The following A4GALT variants were observed in gnomAD, a reference collection of about 807,000 sequenced individuals.
A4GALT encodes lactosylceramide 4-alpha-galactosyltransferase.
For synonymous variants in A4GALT, 257 were observed against 220.7 expected (o/e 1.16, Z -1.46); for missense variants, 512 against 486.0 (o/e 1.05, Z -0.50).
At chr22:42,700,531 C>T (rs1931229035) in intron 1 of A4GALT, among the ~76,000 whole-genome samples, 1 of 152,226 alleles carries the variant, frequency 6.6e-6, no homozygotes, top group African/African-American at 2.4e-5. Context: ...TTCCAAGCCT[C>T]TCCAGATAAG....
chr22:42,708,400 A>G (rs1921352234), intron 1 of A4GALT, among the ~76,000 whole-genome samples: 1 of 151,664 alleles, frequency 6.6e-6, no homozygotes, highest in South Asian at 2.1e-4. Flanking sequence ...AAATTTAGCC[A>G]GGTGTGGTGG....
chr22:42,694,263 C>T (rs922618687), intron 2 of A4GALT, among the ~76,000 whole-genome samples: 4 of 152,262 alleles, frequency 2.6e-5, no homozygotes, highest in Non-Finnish European at 4.4e-5. Context: ...CAGGCCAGTG[C>T]CACCCATGGT....
intron 1 of A4GALT, among the ~76,000 whole-genome samples, chr22:42,699,196 G>A (rs1931139203): frequency 6.6e-6 from 1 of 151,942 alleles, no homozygotes; most frequent in Non-Finnish European, 1.5e-5. Context: ...CAATTCTCCT[G>A]CCTCAGCCTC....
At chr22:42,699,997 T>C (rs1346736253) in intron 1 of A4GALT, among the ~76,000 whole-genome samples, 2 of 152,184 alleles carry the variant, frequency 1.3e-5, no homozygotes, top group Non-Finnish European at 1.5e-5. Context: ...TCTCATCGAC[T>C]GGTTCTGTTA....
At chr22:42,714,306 A>G (rs868786808) in intron 1 of A4GALT, among the ~76,000 whole-genome samples, 13 of 145,544 alleles carry the variant, frequency 8.9e-5, no homozygotes, top group African/African-American at 3.2e-4. Flanking sequence ...AAAAAAAAAA[A>G]GGCAGGAATG....
intron 1 of A4GALT, among the ~76,000 whole-genome samples, chr22:42,695,996 G>A (rs777718441): frequency 4.6e-5 from 7 of 151,716 alleles, no homozygotes; most frequent in Non-Finnish European, 1.0e-4. Context: ...GGTGGTGTGC[G>A]CCTGTAATCC....
At chr22:42,719,396 G>C (rs1487283113) in intron 1 of A4GALT, among the ~76,000 whole-genome samples, 1 of 152,182 alleles carries the variant, frequency 6.6e-6, no homozygotes. Flanking sequence ...CTAGCAGTTT[G>C]AGACTACAGT....
chr22:42,693,659 A>G lies in A4GALT; in HGVS notation c.293T>C (p.Val98Ala), dbSNP rs1930675546. The G allele has an allele frequency of 6.8e-7, 1 of 1,478,034 alleles. No homozygotes were observed. The allele number at this position is 1,478,034 out of a possible 1,614,324, so 91.6% of individuals were successfully genotyped here. Residue 98 changes from valine (V) to alanine (A), a missense_variant, in exon 3 of 3, where the codon GTG becomes GCG. Val to Ala is a moderately conservative substitution (Grantham distance 64). Transcript: ENST00000642412. ...TNPNFLFMCS[V>A]ESAARTHPES... is the part of the protein sequence containing the mutation. ...GGGGTGAGTTCTGGCGGCCGACTCC[A>G]CCGAGCACATGAACAGGAAGTTGGG...
rs17003252 is a variant in A4GALT at position 42,700,172 on chromosome 22, G to A, written c.-187-4541C>T. Among the ~76,000 whole-genome samples the A allele has an allele frequency of 0.012, 1,813 of 152,258 alleles. 76 individuals are homozygous for A. The East Asian group carries it at 0.14, about 12-fold the overall frequency. ...GGCCACCGCGCCCAGCGCAGCCCTCGTCCCCTGGAAATGATTGTATGTGTT... is the reference window on the plus strand; with the variant it reads ...GGCCACCGCGCCCAGCGCAGCCCTCATCCCCTGGAAATGATTGTATGTGTT... On this transcript the variant is annotated intron_variant, in intron 1 of 2. Coordinates refer to ENST00000642412, the MANE Select transcript of A4GALT (RefSeq NM_017436.7).
At position 42,692,409 on chromosome 22, in the gene A4GALT, A is replaced by C. The variant is rs1930499784; in HGVS notation, c.*481T>G. ...CCCCACCCCCCGCGAAAGAGGAACCAAAACCAGAAAAGAACAAAGCATCCT... is the reference window on the plus strand; with the variant it reads ...CCCCACCCCCCGCGAAAGAGGAACCCAAACCAGAAAAGAACAAAGCATCCT... On this transcript the variant is annotated 3_prime_UTR_variant, in exon 3 of 3. Transcript: ENST00000642412. This position sits in a 1 kb window ranked among gnomAD's most constrained non-coding sequence, Gnocchi z 4.6. 9.9e-6 allele frequency: 3 copies of C among 303,560 alleles called. No individual in the cohort carries two copies. Among genetic ancestry groups the C allele is most frequent in the Non-Finnish European group, 1.9e-5 (3 of 154,438 alleles). The allele number at this position is 303,560 out of a possible 1,614,324, so 18.8% of individuals were successfully genotyped here.
At position 42,706,794 on chromosome 22, in the gene A4GALT, C is replaced by CA. The variant is rs34531547; in HGVS notation, c.-187-11164dup. On this transcript the variant is annotated intron_variant, in intron 1 of 2. Coordinates refer to ENST00000642412, the MANE Select transcript of A4GALT (RefSeq NM_017436.7). ...TGGGTGATGGAGTGAGACTCCATCT[C>CA]AAAAAAAAAAAAATTAAAAAAAGAA... 5.5e-3 allele frequency among the ~76,000 whole-genome samples: 751 copies of CA among 135,884 alleles called. 3 individuals are homozygous for CA. Among genetic ancestry groups the CA allele is most frequent in the African/African-American group, 0.016 (600 of 36,580 alleles). 89.1% of individuals were successfully genotyped at this position (135,884 alleles called of 152,430 possible).
intron 1 of A4GALT, among the ~76,000 whole-genome samples, chr22:42,709,517 C>T (rs925006518): frequency 6.6e-6 from 1 of 151,914 alleles, no homozygotes; most frequent in African/African-American, 2.4e-5. Flanking sequence ...AGGCCAAGTA[C>T]GGTGGCTCGT....
At chr22:42,702,648 T>TGCCCTCCACACTGCAGCC (rs1555886936) in intron 1 of A4GALT, among the ~76,000 whole-genome samples, 2 of 144,158 alleles carry the variant, frequency 1.4e-5, no homozygotes, top group African/African-American at 2.9e-5. Context: ...AAACACACTC[T>TGCCCTCCACACTGCAGCC]TTACCCCCAA....
intron 2 of A4GALT, chr22:42,694,602 C>T (rs1930788708): frequency 6.5e-6 from 1 of 152,694 alleles, no homozygotes; most frequent in South Asian, 2.1e-4. Flanking sequence ...ACCTCTCTTT[C>T]CTGGTGGCCA....
At chr22:42,709,067 ATTTT>A (rs71186522) in intron 1 of A4GALT, among the ~76,000 whole-genome samples, 1 of 128,806 alleles carries the variant, frequency 7.8e-6, no homozygotes, top group Non-Finnish European at 1.7e-5. Context: ...ATATATATAT[ATTTT>A]TTTTAAGACA....
chr22:42,699,271 G>A (rs1241094966), intron 1 of A4GALT, among the ~76,000 whole-genome samples: 8 of 152,124 alleles, frequency 5.3e-5, no homozygotes, highest in Non-Finnish European at 8.8e-5. Context: ...TTTTAGTAGA[G>A]ATTTGGTTTC....
chr22:42,720,337 C>T (rs889339063), intron 1 of A4GALT, among the ~76,000 whole-genome samples: 3 of 134,080 alleles, frequency 2.2e-5, no homozygotes, highest in Non-Finnish European at 1.6e-5. Context: ...CGGCCGCTCT[C>T]CATCCCCGTC....
chr22:42,697,366 G>A (rs1931009641), intron 1 of A4GALT, among the ~76,000 whole-genome samples: 1 of 152,104 alleles, frequency 6.6e-6, no homozygotes, highest in Non-Finnish European at 1.5e-5. Flanking sequence ...CCAAGACATG[G>A]TGCCCCCTGC....
At position 42,693,724 on chromosome 22, in the gene A4GALT, T is replaced by C. The variant is rs762318359; in HGVS notation, c.228A>G (p.Pro76=). Reference sequence around the variant, plus strand: ...AAGTCTCCAGGAAGAAGATGTTGCCTGGAGTGGGGCCGTGGGAGGGTGGGG... The same window carrying C: ...AAGTCTCCAGGAAGAAGATGTTGCCCGGAGTGGGGCCGTGGGAGGGTGGGG... ...PPTPPSHGPT[P]GNIFFLETSD... is the part of the protein sequence containing the mutation. Residue 76 remains proline (P), a synonymous_variant, in exon 3 of 3, where the codon CCA becomes CCG. Transcript: ENST00000642412. 1 of 773,262 alleles carries C rather than the reference T, an allele frequency of 1.3e-6. No individual in the cohort carries two copies. The highest frequency in any genetic ancestry group is 1.7e-6 in the Non-Finnish European group (1 of 576,958). The allele number at this position is 773,262 out of a possible 1,614,324, so 47.9% of individuals were successfully genotyped here. A position where few individuals can be genotyped will look rare whatever the true frequency, so the allele number is the denominator to read the frequency against.
Sources: allele counts gnomAD v4.1 joint callset (sites outside exome capture counted in the v4.1 genomes callset), GRCh38; gene constraint gnomAD v4.1.1; non-coding constraint Gnocchi (gnomAD v3.1); transcripts MANE v1.5; gene names NCBI Gene and HGNC (gene_info 2026-07-23, HGNC 2026-07-21).